Variants in COX7B2 observed in about 807,000 individuals in gnomAD.
COX7B2 encodes the protein cytochrome c oxidase subunit 7B2, mitochondrial.
For missense variants in COX7B2, 109 were observed against 95.9 expected, an observed-to-expected ratio of 1.14 and a Z score of -0.57; for synonymous variants, 37 against 32.1, an observed-to-expected ratio of 1.15 and a Z score of -0.51.
chr4:46,856,116 C>T (rs1158138612), intron 1 of COX7B2, among the ~76,000 whole-genome samples: 1 of 151,786 alleles, frequency 6.6e-6, no homozygotes, highest in Non-Finnish European at 1.5e-5. Flanking sequence ...TGGTGGTGCA[C>T]CCATGTAATC....
At chr4:46,794,903 T>C (rs920525905) in intron 2 of COX7B2, among the ~76,000 whole-genome samples, 1 of 152,172 alleles carries the variant, frequency 6.6e-6, no homozygotes, top group Admixed American at 6.6e-5. Flanking sequence ...AACTTTAACC[T>C]GAAGCATAAA....
chr4:46,800,428 G>A (rs565245839), intron 2 of COX7B2, among the ~76,000 whole-genome samples: 77 of 152,068 alleles, frequency 5.1e-4, no homozygotes, highest in African/African-American at 1.8e-3. Flanking sequence ...ACAGACCAAT[G>A]GGAAAGATTA....
intron 1 of COX7B2, among the ~76,000 whole-genome samples, chr4:46,852,730 T>C (rs531063263): frequency 6.6e-6 from 1 of 152,250 alleles, no homozygotes; most frequent in East Asian, 1.9e-4. Flanking sequence ...AAAATCTGAG[T>C]CACCCAATGC....
At chr4:46,768,078 C>T (rs1716652537) in intron 2 of COX7B2, among the ~76,000 whole-genome samples, 1 of 152,230 alleles carries the variant, frequency 6.6e-6, no homozygotes, top group Non-Finnish European at 1.5e-5. Context: ...ACAGCATGCT[C>T]TTTAACATTG....
intron 2 of COX7B2, among the ~76,000 whole-genome samples, chr4:46,813,775 A>G (rs1189231874): frequency 6.6e-6 from 1 of 152,200 alleles, no homozygotes; most frequent in Non-Finnish European, 1.5e-5. Flanking sequence ...GCTGAAGAAA[A>G]GACATGAAAA....
At position 46,772,832 on chromosome 4, in the gene COX7B2, C is replaced by T. The variant is rs904362146; in HGVS notation, c.-49-37591G>A. On this transcript the variant is annotated intron_variant, in intron 2 of 2. Coordinates refer to ENST00000355591, the MANE Select transcript of COX7B2 (RefSeq NM_130902.3). ...ATTTACTGCTAGTGCTTACTTACTCCAGTAGTAAAGCTACCTATTTCCGTT... is the reference window on the plus strand; with the variant it reads ...ATTTACTGCTAGTGCTTACTTACTCTAGTAGTAAAGCTACCTATTTCCGTT... Among the ~76,000 whole-genome samples, 4 of 152,116 alleles carry T rather than the reference C, an allele frequency of 2.6e-5. No individual in the cohort carries two copies. The East Asian group carries it at 5.8e-4, about 22-fold the overall frequency.
At chr4:46,739,383 A>T (rs139651885) in intron 2 of COX7B2, among the ~76,000 whole-genome samples, 2 of 152,192 alleles carry the variant, frequency 1.3e-5, no homozygotes, top group African/African-American at 4.8e-5. Context: ...GCTGGTTACC[A>T]GAGATGGCTC....
intron 2 of COX7B2, among the ~76,000 whole-genome samples, chr4:46,827,792 TCTTTCAAAACATTTTG>T (rs940798909): frequency 6.6e-5 from 10 of 152,194 alleles, no homozygotes; most frequent in African/African-American, 2.2e-4. Context: ...GTTTTCCTTT[TCTTTCAAAACATTTTG>T]CTTAGTGAAT....
At chr4:46,779,794 C>T (rs1190974721) in intron 2 of COX7B2, among the ~76,000 whole-genome samples, 1 of 151,306 alleles carries the variant, frequency 6.6e-6, no homozygotes, top group Non-Finnish European at 1.5e-5. Flanking sequence ...TACAAGGAAG[C>T]AGTAAGTAGA....
intron 2 of COX7B2, among the ~76,000 whole-genome samples, chr4:46,807,619 C>T (rs1719070637): frequency 6.6e-6 from 1 of 151,788 alleles, no homozygotes; most frequent in Non-Finnish European, 1.5e-5. Flanking sequence ...CCTACATACT[C>T]TTCCAGGAGC....
chr4:46,767,171 T>A (rs1232783517), intron 2 of COX7B2, among the ~76,000 whole-genome samples: 1 of 152,196 alleles, frequency 6.6e-6, no homozygotes, highest in Non-Finnish European at 1.5e-5. Context: ...TGCAAAAAGA[T>A]ATTCCACGCA....
rs1229941903 is a variant in COX7B2 at position 46,857,741 on chromosome 4, AAC to A, written c.-104-12729_-104-12728del. ...AGCTACAGAAGTAAAAACAGATCAA[AAC>A]ACAGAGTTTTCAGAATGTATGCAAT... On this transcript the variant is annotated intron_variant, in intron 1 of 2. Coordinates refer to ENST00000355591, the MANE Select transcript of COX7B2 (RefSeq NM_130902.3). Among the ~76,000 whole-genome samples the A allele has an allele frequency of 4.6e-5, 7 of 152,312 alleles. No homozygotes were observed. In the East Asian group the frequency reaches 5.8e-4, roughly 13 times the overall value.
intron 2 of COX7B2, among the ~76,000 whole-genome samples, chr4:46,790,559 T>C (rs77042150): frequency 3.9e-5 from 6 of 152,230 alleles, no homozygotes; most frequent in Non-Finnish European, 2.9e-5. Context: ...CTCTTTCACC[T>C]AAGATAAAGA....
chr4:46,782,378 A>G (rs1202862445), intron 2 of COX7B2, among the ~76,000 whole-genome samples: 1 of 103,076 alleles, frequency 9.7e-6, no homozygotes, highest in Non-Finnish European at 2.1e-5. Flanking sequence ...GTGTCTAGCT[A>G]ATCTAGTGGG....
chr4:46,895,327 T>C (rs1719692301), intron 1 of COX7B2, among the ~76,000 whole-genome samples: 1 of 152,166 alleles, frequency 6.6e-6, no homozygotes, highest in Admixed American at 6.6e-5. Context: ...AATGAGACCC[T>C]GTCTTTTGTG....
intron 2 of COX7B2, among the ~76,000 whole-genome samples, chr4:46,779,077 G>C (rs1717306408): frequency 6.6e-6 from 1 of 152,082 alleles, no homozygotes; most frequent in African/African-American, 2.4e-5. Context: ...TCATTGACCT[G>C]ACAATCCAAC....
intron 1 of COX7B2, among the ~76,000 whole-genome samples, chr4:46,856,482 T>C (rs1281451086): frequency 1.3e-5 from 2 of 152,314 alleles, no homozygotes; most frequent in South Asian, 2.1e-4. Context: ...TAATTTGTCA[T>C]GGAATTCATA....
chr4:46,844,514 G>A (rs1193943458), intron 2 of COX7B2, among the ~76,000 whole-genome samples: 1 of 151,858 alleles, frequency 6.6e-6, no homozygotes, highest in South Asian at 2.1e-4. Context: ...CCACACCAGG[G>A]GGCGCTCTTA....
At chr4:46,814,971 A>T (rs1560398665) in intron 2 of COX7B2, among the ~76,000 whole-genome samples, 1 of 152,120 alleles carries the variant, frequency 6.6e-6, no homozygotes, top group Non-Finnish European at 1.5e-5. Context: ...GAATCACTTC[A>T]GGCCAGGAGT....
Sources: allele counts gnomAD v4.1 joint callset (sites outside exome capture counted in the v4.1 genomes callset), GRCh38; gene constraint gnomAD v4.1.1; transcripts MANE v1.5; gene names NCBI Gene and HGNC (gene_info 2026-07-23, HGNC 2026-07-21).